The following PCDHA12 variants were observed in gnomAD, a reference collection of about 807,000 sequenced individuals.
The protein encoded by PCDHA12 is protocadherin alpha 12, also known as protocadherin alpha-12.
PCDHA12 carries 44 observed loss-of-function variants against 60.0 expected under a neutral mutation model. That is an observed-to-expected ratio of 0.73 (90% confidence interval 0.58 to 0.94). The LOEUF (loss-of-function observed/expected upper bound fraction) is 0.94, where lower values mean the gene tolerates loss of function less well. Ranked by LOEUF, PCDHA12 falls within the 40% of genes least tolerant of loss-of-function variation. The probability of loss-of-function intolerance (pLI) is 0.00; values close to 1 mark genes in which losing one functional copy is unlikely to be tolerated. For synonymous variants in PCDHA12, 569 were observed against 553.0 expected (o/e 1.03, Z -0.40); for missense variants, 1,276 against 1,239.7 (o/e 1.03, Z -0.44).
intron 1 of PCDHA12, among the ~76,000 whole-genome samples, chr5:140,956,942 A>G (rs2153711637): frequency 6.7e-6 from 1 of 148,840 alleles, no homozygotes; most frequent in Admixed American, 6.8e-5. Flanking sequence ...GATAAAATTT[A>G]CATTAAAACA....
chr5:140,935,710 A>C (rs551291942), intron 1 of PCDHA12, among the ~76,000 whole-genome samples: 1 of 152,272 alleles, frequency 6.6e-6, no homozygotes, highest in South Asian at 2.1e-4. Context: ...TATAAAACAA[A>C]ATATATTTAG....
At chr5:140,963,556 T>A (rs891498931) in intron 1 of PCDHA12, among the ~76,000 whole-genome samples, 28 of 152,238 alleles carry the variant, frequency 1.8e-4, no homozygotes, top group Non-Finnish European at 3.4e-4. Context: ...AAAAAGGGGC[T>A]GTTTTCTGGT....
intron 1 of PCDHA12, among the ~76,000 whole-genome samples, chr5:140,906,204 C>A (rs2072457750): frequency 6.6e-6 from 1 of 152,192 alleles, no homozygotes. Context: ...AGTTGACACT[C>A]AGTATTAACC....
At chr5:140,913,657 G>A (rs1554196018) in intron 1 of PCDHA12, among the ~76,000 whole-genome samples, 1 of 152,170 alleles carries the variant, frequency 6.6e-6, no homozygotes, top group Non-Finnish European at 1.5e-5. Context: ...TCTTTAAGAT[G>A]TATAGTTAGG....
intron 1 of PCDHA12, chr5:140,966,932 G>A: frequency 6.2e-7 from 1 of 1,603,726 alleles, no homozygotes; most frequent in Non-Finnish European, 8.5e-7. Flanking sequence ...GGCACCCGGC[G>A]CGCTCGTGGG....
At chr5:140,993,468 A>G (rs1327306188) in intron 3 of PCDHA12, among the ~76,000 whole-genome samples, 1 of 69,412 alleles carries the variant, frequency 1.4e-5, no homozygotes, top group African/African-American at 5.6e-5. Context: ...TTTCTCACAC[A>G]CACACACACA....
intron 3 of PCDHA12, among the ~76,000 whole-genome samples, chr5:140,999,693 A>AT (rs202183337): frequency 0.011 from 1,632 of 151,520 alleles, 13 homozygotes; most frequent in Middle Eastern, 0.058. Flanking sequence ...AAGAAATGTG[A>AT]TTTTTTTTTA....
chr5:140,892,212 T>C (rs1554185117), intron 1 of PCDHA12, among the ~76,000 whole-genome samples: 5 of 152,236 alleles, frequency 3.3e-5, no homozygotes, highest in Admixed American at 2.6e-4. Context: ...TTTAAAATTG[T>C]ATCTTTATGG....
chr5:140,883,762 G>T, intron 1 of PCDHA12: 3 of 1,612,794 alleles, frequency 1.9e-6, no homozygotes, highest in Non-Finnish European at 2.5e-6. Context: ...TGGAGCGGCG[G>T]GTGGGCGAGC....
intron 1 of PCDHA12, among the ~76,000 whole-genome samples, chr5:140,952,282 C>A (rs12187982): frequency 0.12 from 17,942 of 151,036 alleles, 1,209 homozygotes; most frequent in Middle Eastern, 0.19. Context: ...AGGGTGGTGG[C>A]CCTCTTCTCA....
chr5:140,927,427 G>C, intron 1 of PCDHA12: 2 of 1,614,114 alleles, frequency 1.2e-6, no homozygotes, highest in African/African-American at 1.3e-5. Flanking sequence ...GCGGGTTGAC[G>C]GCAGCGAATA....
intron 1 of PCDHA12, among the ~76,000 whole-genome samples, chr5:140,905,145 T>C (rs1264141592): frequency 1.3e-5 from 2 of 152,252 alleles, no homozygotes; most frequent in African/African-American, 4.8e-5. Context: ...TCTGCTGTTA[T>C]ATTTTAGAAT....
At chr5:140,897,356 C>T (rs1554187343) in intron 1 of PCDHA12, among the ~76,000 whole-genome samples, 1 of 134,770 alleles carries the variant, frequency 7.4e-6, no homozygotes, top group African/African-American at 2.8e-5. Flanking sequence ...ACAACTGTCC[C>T]CAGAGTGTGA....
At chr5:140,986,293 CAG>C (rs1447196504) in intron 3 of PCDHA12, among the ~76,000 whole-genome samples, 2 of 152,124 alleles carry the variant, frequency 1.3e-5, no homozygotes, top group Admixed American at 6.5e-5. Flanking sequence ...TGAGACTGAG[CAG>C]AGAGAGAAAA....
At chr5:140,966,645 C>A in intron 1 of PCDHA12, 1 of 1,125,650 alleles carries the variant, frequency 8.9e-7, no homozygotes, top group African/African-American at 1.7e-5. Context: ...CTTTCTAGAG[C>A]GTGAGCGGTG....
At chr5:140,944,558 G>A (rs140707063) in intron 1 of PCDHA12, among the ~76,000 whole-genome samples, 10 of 152,230 alleles carry the variant, frequency 6.6e-5, no homozygotes, top group African/African-American at 2.2e-4. Flanking sequence ...TAGTTTTCCT[G>A]GCAACTTACT....
intron 1 of PCDHA12, among the ~76,000 whole-genome samples, chr5:140,908,451 A>T (rs2073980523): frequency 6.6e-6 from 1 of 152,170 alleles, no homozygotes; most frequent in African/African-American, 2.4e-5. Context: ...TTATGGCTAG[A>T]TGGATCAGAA....
At chr5:140,908,794 C>T (rs1554193480) in intron 1 of PCDHA12, among the ~76,000 whole-genome samples, 1 of 152,142 alleles carries the variant, frequency 6.6e-6, no homozygotes, top group African/African-American at 2.4e-5. Context: ...TTCTGTACTA[C>T]ATTAAAAAGT....
chr5:140,948,150 T>C (rs1477987526), intron 1 of PCDHA12, among the ~76,000 whole-genome samples: 2 of 151,642 alleles, frequency 1.3e-5, no homozygotes, highest in Non-Finnish European at 3.0e-5. Flanking sequence ...TTTTTGAATG[T>C]TGGAAAAAAC....
Sources: gnomAD v4.1 joint callset for allele counts (sites outside exome capture counted in the v4.1 genomes callset) on GRCh38, gnomAD v4.1.1 for gene constraint, MANE v1.5 for transcripts, NCBI Gene and HGNC (gene_info 2026-07-23, HGNC 2026-07-21) for gene names.